Variants in PAK1 observed in about 807,000 individuals in gnomAD.
PAK1 encodes the protein p21 (RAC1) activated kinase 1.
In PAK1, 29 loss-of-function variants were observed where a neutral mutation model predicts 67.4. The ratio of observed to expected loss-of-function variants is 0.43; its 90% CI spans 0.32 to 0.59. The LOEUF (loss-of-function observed/expected upper bound fraction) is 0.59, where lower values mean the gene tolerates loss of function less well. PAK1 is among the 20% of genes least tolerant of loss of function. The pLI is 0.07. For synonymous variants in PAK1, 223 were observed against 237.4 expected (o/e 0.94, Z 0.56); for missense variants, 337 against 670.7 (o/e 0.50, Z 5.50).
At chr11:77,401,881 T>C (rs1008446388) in intron 1 of PAK1, among the ~76,000 whole-genome samples, 1 of 152,206 alleles carries the variant, frequency 6.6e-6, no homozygotes, top group African/African-American at 2.4e-5. Context: ...CACCAGGCCA[T>C]GAATAACTCA....
At chr11:77,368,929 T>C (rs1193446133) in intron 5 of PAK1, among the ~76,000 whole-genome samples, 1 of 152,192 alleles carries the variant, frequency 6.6e-6, no homozygotes, top group Admixed American at 6.5e-5. Context: ...TGTTACTATT[T>C]GGTATTTAGC....
At position 77,349,223 on chromosome 11, in the gene PAK1, G is replaced by T; in HGVS notation, c.885+16C>A. Reference sequence around the variant, plus strand: ...AAACAGAACTAAAGGAGCAACAGTGGGTGGTGGATACTCACCTCCTGTCCT... The same window carrying T: ...AAACAGAACTAAAGGAGCAACAGTGTGTGGTGGATACTCACCTCCTGTCCT... On this transcript the variant is annotated intron_variant, in intron 9 of 14. Transcript: ENST00000356341. 1 of 1,572,256 alleles carries T rather than the reference G, an allele frequency of 6.4e-7. No homozygotes were observed. Among genetic ancestry groups the T allele is most frequent in the Non-Finnish European group, 8.7e-7 (1 of 1,150,260 alleles).
chr11:77,523,376 G>C, the PAK1 span, among the ~76,000 whole-genome samples: 1 of 151,682 alleles, frequency 6.6e-6, no homozygotes, highest in Non-Finnish European at 1.5e-5. Flanking sequence ...AATTATTGAA[G>C]CTGGATGATG....
At chr11:77,392,221 A>G in intron 2 of PAK1, 110 bp downstream of exon 2, 1 of 791,840 alleles carries the variant, frequency 1.3e-6, no homozygotes, top group Non-Finnish European at 1.9e-6. Context: ...TTAACCAGAA[A>G]GAAAACATTA....
At chr11:77,376,913 C>T (rs1949164920) in intron 4 of PAK1, among the ~76,000 whole-genome samples, 1 of 152,030 alleles carries the variant, frequency 6.6e-6, no homozygotes, top group African/African-American at 2.4e-5. Context: ...TTCTCTGAGC[C>T]TAATTAATTT....
chr11:77,424,994 C>T (rs1955473476), intron 1 of PAK1, among the ~76,000 whole-genome samples: 1 of 152,174 alleles, frequency 6.6e-6, no homozygotes, highest in Non-Finnish European at 1.5e-5. Flanking sequence ...AAAATAAAAA[C>T]ATTACATATC....
intron 1 of PAK1, among the ~76,000 whole-genome samples, chr11:77,440,453 T>C (rs1956306538): frequency 6.6e-6 from 1 of 152,184 alleles, no homozygotes; most frequent in Non-Finnish European, 1.5e-5. Flanking sequence ...GTAAGTACCA[T>C]ACTTAACATG....
chr11:77,356,795 G>A (rs928077525), intron 6 of PAK1, among the ~76,000 whole-genome samples: 1 of 152,022 alleles, frequency 6.6e-6, no homozygotes, highest in Non-Finnish European at 1.5e-5. Context: ...TTATAAAGGA[G>A]GTGAGAAAAT....
intron 1 of PAK1, among the ~76,000 whole-genome samples, chr11:77,470,470 C>G (rs1387894241): frequency 1.3e-5 from 2 of 152,156 alleles, no homozygotes; most frequent in Admixed American, 1.3e-4. Flanking sequence ...CTGCCCAGCA[C>G]AGGGTCTGGC....
At position 77,353,456 on chromosome 11, in the gene PAK1, C is replaced by CAA. The variant is rs201854503; in HGVS notation, c.836+78_836+79dup. ...AAAGAAGAACAAGGTTTATGAGAGG[C>CAA]AAAAAAAAAGCAAAATCATATATGC... On this transcript the variant is annotated intron_variant, in intron 8 of 14. Coordinates refer to ENST00000356341, the MANE Select transcript of PAK1 (RefSeq NM_002576.5). The CAA allele has an allele frequency of 4.1e-6, 4 of 968,980 alleles. No homozygotes were observed. The African/African-American group carries it at 5.0e-5, about 12-fold the overall frequency. 60.0% of individuals were successfully genotyped at this position (968,980 alleles called of 1,614,324 possible).
At chr11:77,324,750 TACAC>T (rs142981945) in intron 14 of PAK1, among the ~76,000 whole-genome samples, 4,118 of 140,758 alleles carry the variant, frequency 0.029, 99 homozygotes, top group African/African-American at 0.076. Flanking sequence ...TATATATGTA[TACAC>T]ACACACACAC....
chr11:77,417,736 T>C (rs1378585148), intron 1 of PAK1, among the ~76,000 whole-genome samples: 1 of 118,560 alleles, frequency 8.4e-6, no homozygotes, highest in African/African-American at 4.4e-5. Context: ...CTTTTTTCTT[T>C]TCTTTTTTTT....
chr11:77,454,056 C>T (rs930292665), intron 1 of PAK1, among the ~76,000 whole-genome samples: 1 of 152,186 alleles, frequency 6.6e-6, no homozygotes, highest in African/African-American at 2.4e-5. Context: ...AGAGCGAGAC[C>T]TTGTCTTGAA....
chr11:77,505,547 T>C, the PAK1 span, among the ~76,000 whole-genome samples: 2 of 152,150 alleles, frequency 1.3e-5, no homozygotes, highest in Non-Finnish European at 2.9e-5. Context: ...TCCATATCCA[T>C]TAAACAACAG....
intron 14 of PAK1, among the ~76,000 whole-genome samples, chr11:77,331,691 C>G (rs867221712): frequency 2.0e-5 from 3 of 151,364 alleles, no homozygotes; most frequent in Non-Finnish European, 4.4e-5. Flanking sequence ...TGCTAAATGA[C>G]GAGTTAATGG....
chr11:77,470,914 G>A (rs565637527), intron 1 of PAK1, among the ~76,000 whole-genome samples: 1 of 152,280 alleles, frequency 6.6e-6, no homozygotes, highest in South Asian at 2.1e-4. Context: ...GACACATAAA[G>A]GGAAAAGCTC....
intron 1 of PAK1, among the ~76,000 whole-genome samples, chr11:77,416,596 A>G (rs1954965989): frequency 6.6e-6 from 1 of 152,224 alleles, no homozygotes; most frequent in Non-Finnish European, 1.5e-5. Flanking sequence ...AATAACAACA[A>G]AAAGAATAAT....
chr11:77,349,392 G>T, intron 8 of PAK1, 105 bp from the exon 9 acceptor site: 1 of 857,928 alleles, frequency 1.2e-6, no homozygotes, highest in South Asian at 1.4e-5. Context: ...TCAAAAACAA[G>T]AGCAGTAAAA....
In PAK1 at chr11:77,411,067, C is replaced by A. The variant is rs1016157341; in HGVS notation, c.-21-18526G>T. Among the ~76,000 whole-genome samples, 5 of 152,070 alleles carry A rather than the reference C, an allele frequency of 3.3e-5. No homozygotes were observed. The South Asian group carries it at 1.0e-3, about 32-fold the overall frequency. Reference sequence around the variant, plus strand: ...ACACCTAACACACCTACGCATCACACTAAAATAAGCATCAGCATTCTCAGT... The same window carrying A: ...ACACCTAACACACCTACGCATCACAATAAAATAAGCATCAGCATTCTCAGT... On this transcript the variant is annotated intron_variant, in intron 1 of 14. Coordinates refer to ENST00000356341, the MANE Select transcript of PAK1 (RefSeq NM_002576.5).
Sources: allele counts gnomAD v4.1 joint callset (sites outside exome capture counted in the v4.1 genomes callset), GRCh38; gene constraint gnomAD v4.1.1; transcripts MANE v1.5; gene names NCBI Gene and HGNC (gene_info 2026-07-23, HGNC 2026-07-21).